Variants in SP4 observed in about 807,000 individuals in gnomAD.
The protein encoded by SP4 is Sp4 transcription factor.
A neutral mutation model predicts 72.8 loss-of-function variants in SP4; 19 were observed. The ratio of observed to expected loss-of-function variants is 0.26; its 90% confidence interval spans 0.18 to 0.38. SP4 has a LOEUF of 0.38. SP4 is among the 10% of genes least tolerant of loss of function. The pLI is 1.00. For missense variants in SP4, 1,008 were observed against 926.3 expected, an observed-to-expected ratio of 1.09 and a Z score of -1.14; for synonymous variants, 395 against 333.1, an observed-to-expected ratio of 1.19 and a Z score of -2.02.
Position 21,428,117 on chromosome 7 carries a change from C to T in SP4, c.-135C>T. ...CGGCGGCCATTCGCGGAAAAAGAGG[C>T]AGAGCCTGTGCCAGCTACAGCCTCC... is the stretch of plus-strand genomic sequence containing the variant. On this transcript the variant is annotated 5_prime_UTR_variant, in exon 1 of 6. Transcript: ENST00000222584. The T allele has an allele frequency of 1.4e-6, 1 of 703,036 alleles. No individual in the cohort carries two copies. Among genetic ancestry groups the T allele is most frequent in the South Asian group, 1.5e-5 (1 of 66,052 alleles). The allele number at this position is 703,036 out of a possible 1,614,324, so 43.5% of individuals were successfully genotyped here.
intron 3 of SP4, among the ~76,000 whole-genome samples, chr7:21,464,818 A>G (rs1784117542): frequency 6.6e-6 from 1 of 152,228 alleles, no homozygotes; most frequent in Non-Finnish European, 1.5e-5. Context: ...GATAGAGGCT[A>G]TAGCAATGCA....
intron 5 of SP4, chr7:21,482,522 C>G (rs1784714761): frequency 2.8e-6 from 1 of 362,616 alleles, no homozygotes; most frequent in African/African-American, 2.2e-5. Context: ...ACCAAAGTAT[C>G]AAGAATAATT....
intron 5 of SP4, among the ~76,000 whole-genome samples, chr7:21,507,806 G>T (rs28490171): frequency 0.022 from 3,269 of 151,984 alleles, 122 homozygotes; most frequent in African/African-American, 0.074. Flanking sequence ...TGTGTTCTCA[G>T]CACCCCCTAC....
intron 2 of SP4, 36 bp from the exon 3 acceptor site, chr7:21,429,249 TTTCC>T: frequency 8.5e-7 from 1 of 1,176,520 alleles, no homozygotes. Context: ...GCCCACTTTT[TTTCC>T]CCCCCCCCTC....
chr7:21,470,964 G>A, intron 3 of SP4: 1 of 472,944 alleles, frequency 2.1e-6, no homozygotes, highest in Admixed American at 2.4e-5. Flanking sequence ...TTGGTAAGAA[G>A]GATTAAAGAC....
At chr7:21,458,711 C>T (rs980038088) in intron 3 of SP4, among the ~76,000 whole-genome samples, 1 of 152,002 alleles carries the variant, frequency 6.6e-6, no homozygotes, top group Non-Finnish European at 1.5e-5. Context: ...AGCTGAATTC[C>T]CTACTACTGA....
At position 21,457,872 on chromosome 7, in the gene SP4, C is replaced by G. The variant is rs562599543; in HGVS notation, c.1679-19207C>G. 2.0e-5 allele frequency among the ~76,000 whole-genome samples: 3 copies of G among 151,946 alleles called. No homozygotes were observed. In the South Asian group the frequency reaches 6.2e-4, roughly 32 times the overall value. ...GCAGTCGCACATATGTAGAAATAAT[C>G]TTGAACTATCTTAGCTATGAGCAAT... is the stretch of plus-strand genomic sequence containing the variant. On this transcript the variant is annotated intron_variant, in intron 3 of 5. Transcript: ENST00000222584.
intron 3 of SP4, among the ~76,000 whole-genome samples, chr7:21,473,441 A>T (rs1450150892): frequency 6.6e-6 from 1 of 152,214 alleles, no homozygotes; most frequent in Non-Finnish European, 1.5e-5. Flanking sequence ...TGGCACTGTT[A>T]TTGAGTTATT....
In SP4 at chr7:21,477,129, C is replaced by CCTGTAA; in HGVS notation, c.1735_1740dup (p.Thr579_Val580dup). 6.2e-7 allele frequency: 1 copy of CCTGTAA among 1,614,084 alleles called. No homozygotes were observed. The highest frequency in any genetic ancestry group is 8.5e-7 in the Non-Finnish European group (1 of 1,180,014). On this transcript the variant is annotated inframe_insertion, in exon 4 of 6. Transcript: ENST00000222584. Reference sequence around the variant, plus strand: ...AAAAGTCCAGCAAGCTACTATAGCTCCTGTAACTGTAGCAGTTGGAGGAAT... The same window carrying CCTGTAA: ...AAAAGTCCAGCAAGCTACTATAGCTCCTGTAACTGTAACTGTAGCAGTTGGAGGAAT...
chr7:21,484,052 C>T (rs1466939813), intron 5 of SP4, among the ~76,000 whole-genome samples: 1 of 151,668 alleles, frequency 6.6e-6, no homozygotes, highest in African/African-American at 2.4e-5. Context: ...TAGAAATTAG[C>T]TCCATTTTAA....
At chr7:21,494,568 A>G (rs545434243) in intron 5 of SP4, among the ~76,000 whole-genome samples, 2 of 152,330 alleles carry the variant, frequency 1.3e-5, no homozygotes, top group South Asian at 2.1e-4. Flanking sequence ...CCATAAATCT[A>G]ACAAAATATA....
intron 5 of SP4, among the ~76,000 whole-genome samples, chr7:21,510,116 CAT>C (rs1460090948): frequency 1.3e-5 from 2 of 152,192 alleles, no homozygotes; most frequent in African/African-American, 4.8e-5. Flanking sequence ...CCTCCCACAA[CAT>C]GTGGGAATTA....
In SP4 at chr7:21,466,066, G is replaced by A. The variant is rs572892827; in HGVS notation, c.1679-11013G>A. Among the ~76,000 whole-genome samples, 4 of 152,126 alleles carry A rather than the reference G, an allele frequency of 2.6e-5. No homozygotes were observed. In the East Asian group the frequency reaches 5.8e-4, roughly 22 times the overall value. On this transcript the variant is annotated intron_variant, in intron 3 of 5. Coordinates refer to ENST00000222584, the MANE Select transcript of SP4 (RefSeq NM_003112.5). ...TCATCTCCTCTGTGAAGCCTTCATT[G>A]TTTCTTTTTGACAGTAAATCACTGT...
chr7:21,479,986 TTTTGTTTGTTTG>T (rs60038164), intron 4 of SP4, among the ~76,000 whole-genome samples: 12 of 150,960 alleles, frequency 7.9e-5, no homozygotes, highest in East Asian at 7.8e-4. Flanking sequence ...ATAACAGTTT[TTTTGTTTGTTTG>T]TTTGTTTGTT....
intron 3 of SP4, among the ~76,000 whole-genome samples, chr7:21,451,484 G>C (rs924593710): frequency 6.6e-6 from 1 of 152,096 alleles, no homozygotes; most frequent in Non-Finnish European, 1.5e-5. Context: ...GGGGAAAATG[G>C]ATGGTCAGTC....
At chr7:21,484,369 T>A (rs546781218) in intron 5 of SP4, among the ~76,000 whole-genome samples, 1 of 151,938 alleles carries the variant, frequency 6.6e-6, no homozygotes, top group Non-Finnish European at 1.5e-5. Flanking sequence ...TAAGTACTTA[T>A]GTGTGGAATT....
At chr7:21,484,916 T>TA (rs930443152) in intron 5 of SP4, among the ~76,000 whole-genome samples, 10 of 151,692 alleles carry the variant, frequency 6.6e-5, no homozygotes, top group Admixed American at 1.3e-4. Context: ...GGCATATCTT[T>TA]AAAAAAAAGA....
At chr7:21,439,187 A>G (rs1783150119) in intron 3 of SP4, among the ~76,000 whole-genome samples, 1 of 152,140 alleles carries the variant, frequency 6.6e-6, no homozygotes, top group Non-Finnish European at 1.5e-5. Flanking sequence ...GAACAATGTG[A>G]TTACTTTTTC....
At chr7:21,455,544 A>G (rs536984027) in intron 3 of SP4, among the ~76,000 whole-genome samples, 1 of 152,296 alleles carries the variant, frequency 6.6e-6, no homozygotes, top group African/African-American at 2.4e-5. Flanking sequence ...TTAGGGTTCC[A>G]TAATGAACTG....
Sources: allele counts gnomAD v4.1 joint callset (sites outside exome capture counted in the v4.1 genomes callset), GRCh38; gene constraint gnomAD v4.1.1; transcripts MANE v1.5; gene names NCBI Gene and HGNC (gene_info 2026-07-23, HGNC 2026-07-21).